The following BCL10 variants were observed in gnomAD, a reference collection of about 807,000 sequenced individuals.
The protein encoded by BCL10 is B-cell lymphoma/leukemia 10.
A neutral mutation model predicts 19.2 loss-of-function variants in BCL10; 5 were observed. That is an observed-to-expected ratio of 0.26 (90% CI 0.14 to 0.55). The LOEUF (loss-of-function observed/expected upper bound fraction) is 0.55. Ranked by LOEUF, BCL10 falls within the 20% of genes least tolerant of loss-of-function variation. The probability of loss-of-function intolerance (pLI) is 0.94; values close to 1 mark genes in which losing one functional copy is unlikely to be tolerated. For synonymous variants in BCL10, 110 were observed against 98.8 expected, an observed-to-expected ratio of 1.11 and a Z score of -0.67; for missense variants, 201 against 271.9, an observed-to-expected ratio of 0.74 and a Z score of 1.83.
Position 85,270,751 on chromosome 1 carries a change from G to C in BCL10, c.213C>G (p.Tyr71Ter), listed in dbSNP as rs1336038922. The change falls in exon 2 of 3, where the codon TAC becomes TAG. Residue 71 changes from tyrosine to a stop codon, truncating the protein, a stop_gained. Coordinates refer to ENST00000648566, the MANE Select transcript of BCL10 (RefSeq NM_003921.5). LOFTEE classifies it high-confidence loss of function. ...SRKRAGKLLDYLQENPKGLDT... is the reference protein window; with the variant it reads ...SRKRAGKLLD ...CCAGACCTTTTGGGTTTTCCTGTAA[G>C]TAGTCTAACAATTTTCCAGCCCTTT... 1 of 1,613,986 alleles carries C rather than the reference G, an allele frequency of 6.2e-7. No individual in the cohort carries two copies. The highest frequency in any genetic ancestry group is 1.3e-5 in the African/African-American group (1 of 74,918).
chr1:85,275,351 T>A (rs1186940065), intron 1 of BCL10, among the ~76,000 whole-genome samples: 2 of 152,222 alleles, frequency 1.3e-5, no homozygotes, highest in Non-Finnish European at 2.9e-5. Flanking sequence ...CCCAGTCATA[T>A]CCAGTTTCCT....
chr1:85,271,746 A>C (rs1365434612), intron 1 of BCL10, among the ~76,000 whole-genome samples: 1 of 152,212 alleles, frequency 6.6e-6, no homozygotes, highest in Non-Finnish European at 1.5e-5. Context: ...AGATATGCAA[A>C]GTGCTTAGAA....
chr1:85,275,290 T>C (rs775063168), intron 1 of BCL10, among the ~76,000 whole-genome samples: 4 of 152,212 alleles, frequency 2.6e-5, no homozygotes, highest in East Asian at 1.9e-4. Flanking sequence ...GTGCTTTCCA[T>C]ATAGCAAGTG....
chr1:85,270,731 C>A lies in BCL10; in HGVS notation c.233G>T (p.Gly78Val). Residue 78 changes from glycine (G) to valine (V), a missense_variant, in exon 2 of 3, where the codon GGT becomes GTT. By Grantham distance (109) the Gly-to-Val change is moderately radical (BLOSUM62 -3). Coordinates refer to ENST00000648566, the MANE Select transcript of BCL10 (RefSeq NM_003921.5). ...AATAGATTCAACAAGGGTGTCCAGA[C>A]CTTTTGGGTTTTCCTGTAAGTAGTC... ...LLDYLQENPK[G>V]LDTLVESIRR... 6.2e-7 allele frequency: 1 copy of A among 1,614,074 alleles called. No individual in the cohort carries two copies. Among genetic ancestry groups the A allele is most frequent in the Non-Finnish European group, 8.5e-7 (1 of 1,179,998 alleles).
rs765491249 is a variant in BCL10, at chr1:85,276,387, G to A, written c.-35C>T. The A allele has an allele frequency of 1.2e-6, 2 of 1,611,678 alleles. No homozygotes were observed. The stretch of plus-strand genomic sequence containing the variant: ...GGGAGATGGCGCTTCTTCCGGGTCC[G>A]GGAGCTCGGGCTGCGCCGCCCCGCC... On this transcript the variant is annotated 5_prime_UTR_variant, in exon 1 of 3. Transcript: ENST00000648566.
At chr1:85,271,489 G>C (rs192326322) in intron 1 of BCL10, among the ~76,000 whole-genome samples, 1 of 152,158 alleles carries the variant, frequency 6.6e-6, no homozygotes, top group Admixed American at 6.5e-5. Flanking sequence ...AAGATGTGTG[G>C]GGAATAGGGA....
Position 85,267,901 on chromosome 1 carries a change from A to C in BCL10, c.428T>G (p.Phe143Cys). The change falls in exon 3 of 3, where the codon TTC (phenylalanine) becomes TGC (cysteine). Residue 143 changes from phenylalanine to cysteine, a missense_variant. This residue lies in a region of BCL10 where 126 missense variants were observed against 136.6 expected (regional missense o/e 0.92). Transcript: ENST00000648566. ...AGTGGATGCCCTCAGTTTTTCAGAG[A>C]AATTACTCTCATCTGAATTTGATCT... Reference protein sequence around the residue: ...LSRSNSDESNFSEKLRASTVM... With the variant: ...LSRSNSDESNCSEKLRASTVM... The C allele has an allele frequency of 1.2e-6, 2 of 1,613,944 alleles. No homozygotes were observed. Among genetic ancestry groups the C allele is most frequent in the Admixed American group, 3.3e-5 (2 of 59,930 alleles).
At chr1:85,273,102 A>C (rs1481907585) in intron 1 of BCL10, among the ~76,000 whole-genome samples, 1 of 152,118 alleles carries the variant, frequency 6.6e-6, no homozygotes, top group East Asian at 1.9e-4. Flanking sequence ...AACTCCCCAG[A>C]ATGAGTTAGG....
At position 85,275,226 on chromosome 1, in the gene BCL10, T is replaced by G. The variant is rs372613612; in HGVS notation, c.57+1070A>C. On this transcript the variant is annotated intron_variant, in intron 1 of 2. Transcript: ENST00000648566. ...TGTTCCATTCTTATCTCAACTAGAA[T>G]GTAAAGCAGGAAACTGATCTTCATT... is the stretch of plus-strand genomic sequence containing the variant. Among the ~76,000 whole-genome samples the G allele has an allele frequency of 2.4e-4, 36 of 152,366 alleles. 1 individual carries two copies. In the East Asian group the frequency reaches 2.7e-3, roughly 11 times the overall value.
At chr1:85,271,005 T>C in intron 1 of BCL10, 99 bp from the exon 2 acceptor site, 1 of 1,266,832 alleles carries the variant, frequency 7.9e-7, no homozygotes, top group South Asian at 1.3e-5. Flanking sequence ...GAGACAATGT[T>C]CTAAAGTCAG....
chr1:85,269,491 T>G (rs1660301772), intron 2 of BCL10, among the ~76,000 whole-genome samples: 2 of 152,238 alleles, frequency 1.3e-5, no homozygotes, highest in African/African-American at 4.8e-5. Flanking sequence ...CTTCTTCCAC[T>G]AGTTTTTCAA....
intron 1 of BCL10, 149 bp downstream of exon 1, chr1:85,276,147 C>CT (rs1660520035): frequency 1.1e-6 from 1 of 929,920 alleles, no homozygotes. Context: ...CCCTCGGATG[C>CT]AGGGCTCGCC....
chr1:85,275,080 G>A (rs1210209011), intron 1 of BCL10, among the ~76,000 whole-genome samples: 1 of 152,192 alleles, frequency 6.6e-6, no homozygotes, highest in Non-Finnish European at 1.5e-5. Flanking sequence ...AAGGTTAAGT[G>A]GGAACATTGT....
chr1:85,270,668 ATCT>A lies in BCL10; in HGVS notation c.293_295del (p.Lys98del). 6.2e-7 allele frequency: 1 copy of A among 1,612,234 alleles called. No homozygotes were observed. The highest frequency in any genetic ancestry group is 8.5e-7 in the Non-Finnish European group (1 of 1,179,470). On this transcript the variant is annotated inframe_deletion, in exon 2 of 3. Coordinates refer to ENST00000648566, the MANE Select transcript of BCL10 (RefSeq NM_003921.5). ...TCTAAGTTTCAGCACTTCATCTGTA[ATCT>A]TCTGTATCAGGAAGTTCTGTGTTTT...
At position 85,267,432 on chromosome 1, in the gene BCL10, G is replaced by C. The variant is rs1007894326; in HGVS notation, c.*195C>G. The C allele has an allele frequency of 2.0e-6, 1 of 488,656 alleles. No individual in the cohort carries two copies. The highest frequency in any genetic ancestry group is 3.5e-6 in the Non-Finnish European group (1 of 282,778). 30.3% of individuals were successfully genotyped at this position (488,656 alleles called of 1,614,324 possible). A position where few individuals can be genotyped will look rare whatever the true frequency, so the allele number is the denominator to read the frequency against. The stretch of plus-strand genomic sequence containing the variant: ...AAAAAGAAATTACTAAAAAGTACAT[G>C]ATCAACATGATTTACAGTTAGCTAT... On this transcript the variant is annotated 3_prime_UTR_variant, in exon 3 of 3. Transcript: ENST00000648566.
Position 85,270,724 on chromosome 1 carries a change from G to T in BCL10, c.240C>A (p.Asp80Glu), listed in dbSNP as rs1269185603. 1 of 1,614,064 alleles carries T rather than the reference G, an allele frequency of 6.2e-7. No individual in the cohort carries two copies. Among genetic ancestry groups the T allele is most frequent in the Non-Finnish European group, 8.5e-7 (1 of 1,179,970 alleles). ...CTCGCCGAATAGATTCAACAAGGGT[G>T]TCCAGACCTTTTGGGTTTTCCTGTA... ...DYLQENPKGL[D>E]TLVESIRREK... Residue 80 changes from aspartate (D) to glutamate (E), a missense_variant, in exon 2 of 3, where the codon GAC becomes GAA. This residue lies in a region of BCL10 where 51 missense variants were observed against 118.8 expected (regional missense o/e 0.43). Coordinates refer to ENST00000648566, the MANE Select transcript of BCL10 (RefSeq NM_003921.5).
intron 2 of BCL10, among the ~76,000 whole-genome samples, chr1:85,269,684 T>C (rs1445436268): frequency 6.6e-6 from 1 of 152,214 alleles, no homozygotes; most frequent in African/African-American, 2.4e-5. Flanking sequence ...CTGTAGAACA[T>C]CACATGCACA....
rs1401885853 is a variant in BCL10 at position 85,267,734 on chromosome 1, C to T, written c.595G>A (p.Gly199Arg). 6.2e-7 allele frequency: 1 copy of T among 1,614,194 alleles called. No individual in the cohort carries two copies. The highest frequency in any genetic ancestry group is 8.5e-7 in the Non-Finnish European group (1 of 1,180,038). The stretch of plus-strand genomic sequence containing the variant: ...AGATCTGGTGGCAAAGGAGGAGCCC[C>T]TGGGTCCCCAGGTCTGGGAAGTGTA... Reference protein sequence around the residue: ...STTLPRPGDPGAPPLPPDLQL... With the variant: ...STTLPRPGDPRAPPLPPDLQL... The change falls in exon 3 of 3, where the codon GGG becomes AGG. Residue 199 changes from glycine (G) to arginine (R), a missense_variant. By Grantham distance (125) the Gly-to-Arg change is moderately radical (BLOSUM62 -2). Transcript: ENST00000648566.
At chr1:85,270,299 G>A (rs114775329) in intron 2 of BCL10, among the ~76,000 whole-genome samples, 3,581 of 152,278 alleles carry the variant, frequency 0.024, 105 homozygotes, top group African/African-American at 0.071. Context: ...CTGAGACAGG[G>A]TCTTGCTCTG....
Sources: gnomAD v4.1 joint callset for allele counts (sites outside exome capture counted in the v4.1 genomes callset) on GRCh38, gnomAD v4.1.1 for gene constraint, gnomAD v4.1.1 regional missense constraint, MANE v1.5 for transcripts, NCBI Gene and HGNC (gene_info 2026-07-23, HGNC 2026-07-21) for gene names.